Variants in ZNF521 observed in about 807,000 individuals in gnomAD.
The protein encoded by ZNF521 is zinc finger protein 521.
Under a neutral mutation model 105.5 loss-of-function variants are expected in ZNF521, and 14 were observed. The observed-to-expected ratio is 0.13, with a 90% CI of 0.09 to 0.21. ZNF521 has a LOEUF of 0.21. ZNF521 is among the 10% of genes least tolerant of loss of function. ZNF521 has a pLI of 1.00. For synonymous variants in ZNF521, 635 were observed against 606.0 expected (o/e 1.05, Z -0.70); for missense variants, 1,233 against 1,629.7 (o/e 0.76, Z 4.19).
intron 6 of ZNF521, among the ~76,000 whole-genome samples, chr18:25,090,499 A>C (rs1217596294): frequency 6.6e-6 from 1 of 152,222 alleles, no homozygotes; most frequent in East Asian, 1.9e-4. Context: ...TTCCTTTCCC[A>C]CCTAACACAC....
At chr18:25,120,608 A>C (rs1224657131) in intron 5 of ZNF521, among the ~76,000 whole-genome samples, 2 of 95,190 alleles carry the variant, frequency 2.1e-5, no homozygotes, top group East Asian at 5.6e-4. Context: ...AAAAACCACA[A>C]ACAAACAAAC....
Position 25,350,908 on chromosome 18 carries a change from T to G in ZNF521, c.39A>C (p.Lys13Asn). 1 of 1,550,138 alleles carries G rather than the reference T, an allele frequency of 6.5e-7. No homozygotes were observed. Among genetic ancestry groups the G allele is most frequent in the Non-Finnish European group, 8.7e-7 (1 of 1,146,048 alleles). The change falls in exon 2 of 8, where the codon AAA (lysine) becomes AAC (asparagine). Residue 13 changes from lysine to asparagine, a missense_variant and splice_region_variant. By Grantham distance (94) the Lys-to-Asn change is moderately conservative. Around this residue, in one of 6 missense-constraint regions of ZNF521, gnomAD observed 76 missense variants for 79.3 expected, o/e 0.96. Transcript: ENST00000361524. ...GGGGAGCAGGGGGTTCCTCCTTACC[T>G]TTGAGGGATCTCGGTTTCGCTTGCT... ...RRKQAKPRSLKDPNCKLEDKT... is the reference protein window; with the variant it reads ...RRKQAKPRSLNDPNCKLEDKT...
intron 3 of ZNF521, among the ~76,000 whole-genome samples, chr18:25,313,511 A>G (rs1210412663): frequency 6.6e-6 from 1 of 152,226 alleles, no homozygotes; most frequent in South Asian, 2.1e-4. Flanking sequence ...ACAAAAGCAC[A>G]GAAGTGAGAT....
chr18:25,096,298 A>T (rs751961659), intron 5 of ZNF521, among the ~76,000 whole-genome samples: 1 of 152,190 alleles, frequency 6.6e-6, no homozygotes, highest in African/African-American at 2.4e-5. Flanking sequence ...GTGCTCTAAG[A>T]AAACCATCTG....
intron 3 of ZNF521, among the ~76,000 whole-genome samples, chr18:25,266,573 T>C (rs1490735240): frequency 1.3e-5 from 2 of 152,146 alleles, no homozygotes; most frequent in African/African-American, 2.4e-5. Flanking sequence ...TGGGACTGCT[T>C]GGACAGTGGG....
At chr18:25,290,738 G>GT (rs1357539973) in intron 3 of ZNF521, among the ~76,000 whole-genome samples, 1 of 151,112 alleles carries the variant, frequency 6.6e-6, no homozygotes, top group East Asian at 2.0e-4. Flanking sequence ...AGCCTCCTGA[G>GT]TAGCTGGGAT....
intron 7 of ZNF521, among the ~76,000 whole-genome samples, chr18:25,085,711 C>T (rs539582292): frequency 6.0e-5 from 9 of 150,254 alleles, no homozygotes; most frequent in East Asian, 3.9e-4. Context: ...AAGTAATTTT[C>T]GTTAACATTC....
At chr18:25,217,197 C>G (rs557005515) in intron 4 of ZNF521, among the ~76,000 whole-genome samples, 1 of 152,174 alleles carries the variant, frequency 6.6e-6, no homozygotes, top group Non-Finnish European at 1.5e-5. Context: ...ACGCTTCCAA[C>G]TGCAGCATGA....
intron 3 of ZNF521, among the ~76,000 whole-genome samples, chr18:25,235,396 G>A (rs1215305771): frequency 6.6e-6 from 1 of 152,136 alleles, no homozygotes; most frequent in African/African-American, 2.4e-5. Flanking sequence ...AGGTAAAGGG[G>A]ATTCTTCCAC....
intron 5 of ZNF521, among the ~76,000 whole-genome samples, chr18:25,131,327 C>T (rs1166575160): frequency 6.6e-6 from 1 of 152,124 alleles, no homozygotes. Context: ...CTCTGTCCAC[C>T]CTGGATCATT....
chr18:25,324,176 G>C (rs1375571349), intron 2 of ZNF521, among the ~76,000 whole-genome samples: 1 of 152,112 alleles, frequency 6.6e-6, no homozygotes, highest in African/African-American at 2.4e-5. Flanking sequence ...GTCCAGGTGA[G>C]TGTTTAGTAA....
intron 7 of ZNF521, among the ~76,000 whole-genome samples, chr18:25,072,458 C>A (rs2033248956): frequency 6.6e-6 from 1 of 152,122 alleles, no homozygotes; most frequent in African/African-American, 2.4e-5. Context: ...ATCTGTTGTG[C>A]ATACCTGACA....
chr18:25,205,983 A>C (rs2036071634), intron 4 of ZNF521, among the ~76,000 whole-genome samples: 1 of 151,982 alleles, frequency 6.6e-6, no homozygotes, highest in Non-Finnish European at 1.5e-5. Flanking sequence ...GCTCTGTCTT[A>C]TTCATTTTTT....
Position 25,273,220 on chromosome 18 carries a change from C to CAAAAAAAAAAAAAAAAAAAAAAAA in ZNF521, c.221-45547_221-45524dup, listed in dbSNP as rs67381140. Among the ~76,000 whole-genome samples the CAAAAAAAAAAAAAAAAAAAAAAAA allele has an allele frequency of 3.9e-4, 16 of 40,888 alleles. 1 individual carries two copies. Among genetic ancestry groups the CAAAAAAAAAAAAAAAAAAAAAAAA allele is most frequent in the Non-Finnish European group, 4.7e-4 (11 of 23,196 alleles). The allele number at this position is 40,888 out of a possible 152,430, so 26.8% of individuals were successfully genotyped here. On this transcript the variant is annotated intron_variant, in intron 3 of 7. Transcript: ENST00000361524. ...CCCAAGAGGAGTGAAACCCTGTCTC[C>CAAAAAAAAAAAAAAAAAAAAAAAA]AAAAAAAAAAAAAAAAAAAAAAAAA...
chr18:25,273,866 T>C (rs914563214), intron 3 of ZNF521, among the ~76,000 whole-genome samples: 1 of 152,174 alleles, frequency 6.6e-6, no homozygotes, highest in Admixed American at 6.5e-5. Flanking sequence ...TTAGGATAAG[T>C]ACAGTTTTCT....
intron 3 of ZNF521, among the ~76,000 whole-genome samples, chr18:25,303,547 C>T (rs1377828869): frequency 2.6e-5 from 4 of 152,252 alleles, no homozygotes; most frequent in African/African-American, 7.2e-5. Flanking sequence ...CTGCCCGTCT[C>T]GGCCTCCCAA....
At chr18:25,301,322 C>G (rs1470616695) in intron 3 of ZNF521, among the ~76,000 whole-genome samples, 1 of 152,216 alleles carries the variant, frequency 6.6e-6, no homozygotes, top group Admixed American at 6.5e-5. Context: ...TGTACCCTTC[C>G]ACTCAAAAGG....
chr18:25,164,970 G>A (rs1193281892), intron 5 of ZNF521, among the ~76,000 whole-genome samples: 4 of 152,252 alleles, frequency 2.6e-5, no homozygotes, highest in South Asian at 2.1e-4. Flanking sequence ...CACCGATGTC[G>A]TGCTCTTTCC....
intron 3 of ZNF521, among the ~76,000 whole-genome samples, chr18:25,239,257 C>T (rs548613327): frequency 1.3e-5 from 2 of 152,252 alleles, no homozygotes; most frequent in African/African-American, 2.4e-5. Flanking sequence ...TCTGTAAGAG[C>T]GTTGGCAGCA....
Sources: allele counts gnomAD v4.1 joint callset (sites outside exome capture counted in the v4.1 genomes callset), GRCh38; gene constraint gnomAD v4.1.1; regional missense constraint gnomAD v4.1.1; transcripts MANE v1.5; gene names NCBI Gene and HGNC (gene_info 2026-07-23, HGNC 2026-07-21).